PFKFB3: variants seen among roughly 807,000 people sequenced by gnomAD.
The protein encoded by PFKFB3 is 6-phosphofructo-2-kinase/fructose-2,6-bisphosphatase 3.
A neutral mutation model predicts 68.0 loss-of-function variants in PFKFB3; 33 were observed. The observed-to-expected ratio is 0.49, with a 90% CI of 0.37 to 0.65. The LOEUF is 0.65. Ranked by LOEUF, PFKFB3 falls within the 30% of genes least tolerant of loss-of-function variation. The pLI is 0.00. For synonymous variants in PFKFB3, 315 were observed against 288.2 expected, an observed-to-expected ratio of 1.09 and a Z score of -0.94; for missense variants, 586 against 712.2, an observed-to-expected ratio of 0.82 and a Z score of 2.02.
the PFKFB3 span, among the ~76,000 whole-genome samples, chr10:6,278,763 T>G: frequency 6.6e-6 from 1 of 152,238 alleles, no homozygotes. Context: ...CTTAGCCTAG[T>G]GCTTGCATGC....
intron 14 of PFKFB3, among the ~76,000 whole-genome samples, chr10:6,246,792 T>G (rs7902155): frequency 0.16 from 23,759 of 152,204 alleles, 2,106 homozygotes; most frequent in Non-Finnish European, 0.2. Flanking sequence ...TACCCTTGAT[T>G]CCCGTGCCTT....
the PFKFB3 span, among the ~76,000 whole-genome samples, chr10:6,292,532 G>A: frequency 6.6e-6 from 1 of 150,710 alleles, no homozygotes; most frequent in African/African-American, 2.4e-5. Context: ...CTCGTGATCT[G>A]CCCACTTCAA....
intron 1 of PFKFB3, among the ~76,000 whole-genome samples, chr10:6,179,798 C>T (rs79413568): frequency 1.5e-4 from 23 of 152,124 alleles, no homozygotes; most frequent in Non-Finnish European, 2.4e-4. Context: ...ACAGAAACCA[C>T]GAGAGCCCAC....
At chr10:6,225,298 G>A in intron 13 of PFKFB3, 1 of 440,450 alleles carries the variant, frequency 2.3e-6, no homozygotes. Flanking sequence ...GGCATGAAGG[G>A]ATGAGGTGTC....
chr10:6,175,972 C>A lies in PFKFB3; in HGVS notation c.16+30959C>A, dbSNP rs189664629. Among the ~76,000 whole-genome samples, 3 of 152,238 alleles carry A rather than the reference C, an allele frequency of 2.0e-5. No individual in the cohort carries two copies. In the East Asian group the frequency reaches 5.8e-4, roughly 29 times the overall value. ...TCTGCACACAGAAGGATCCAGGAAG[C>A]CCCCGCCTTGGCGTAGACGCATGCA... On this transcript the variant is annotated intron_variant, in intron 1 of 14. Transcript: ENST00000379789.
At chr10:6,185,106 A>G (rs1444465512) in intron 1 of PFKFB3, among the ~76,000 whole-genome samples, 1 of 152,226 alleles carries the variant, frequency 6.6e-6, no homozygotes, top group Non-Finnish European at 1.5e-5. Flanking sequence ...CCATGAGGAC[A>G]CTAGAGGAAG....
Position 6,220,731 on chromosome 10 carries a change from A to G in PFKFB3, c.697A>G (p.Ser233Gly), listed in dbSNP as rs1380389716. The change falls in exon 8 of 15, where the codon AGC becomes GGC. Residue 233 changes from serine to glycine, a missense_variant. Physicochemically the swap from Ser to Gly is moderately conservative, Grantham distance 56. Coordinates refer to ENST00000379775, the MANE Select transcript of PFKFB3 (RefSeq NM_004566.4). This position sits in a 1 kb window ranked among gnomAD's most constrained non-coding sequence, Gnocchi z 4.1. ...GAACCGGGTGCAGGACCACATCCAG[A>G]GCCGCATCGTGTACTACCTGATGAA... ...LVNRVQDHIQ[S>G]RIVYYLMNIH... 6.2e-7 allele frequency: 1 copy of G among 1,613,642 alleles called. No homozygotes were observed. Among genetic ancestry groups the G allele is most frequent in the African/African-American group, 1.3e-5 (1 of 74,750 alleles).
At chr10:6,322,058 G>T in the PFKFB3 span, among the ~76,000 whole-genome samples, 1 of 152,204 alleles carries the variant, frequency 6.6e-6, no homozygotes, top group African/African-American at 2.4e-5. Flanking sequence ...TCCCCTGGGT[G>T]TTAGTCTGGT....
At chr10:6,217,261 T>TG in intron 6 of PFKFB3, 70 bp downstream of exon 6, 1 of 1,384,924 alleles carries the variant, frequency 7.2e-7, no homozygotes, top group Non-Finnish European at 1.0e-6. Context: ...TCTGAGGAAG[T>TG]GGGGGACCGG....
chr10:6,325,305 T>C, the PFKFB3 span, among the ~76,000 whole-genome samples: 2,539 of 152,216 alleles, frequency 0.017, 69 homozygotes, highest in African/African-American at 0.058. Context: ...CACTCAAACT[T>C]TCAAAGTTAA....
At chr10:6,248,417 T>A (rs2132079467) in intron 14 of PFKFB3, among the ~76,000 whole-genome samples, 1 of 151,698 alleles carries the variant, frequency 6.6e-6, no homozygotes, top group African/African-American at 2.4e-5. Context: ...TGGCTTGAGG[T>A]CAGGGGTTTG....
the PFKFB3 span, among the ~76,000 whole-genome samples, chr10:6,291,945 GTTTTTTTTTT>G: frequency 1.1e-5 from 1 of 94,348 alleles, no homozygotes; most frequent in Non-Finnish European, 2.1e-5. Context: ...GAAACCAGTG[GTTTTTTTTTT>G]TTTTTTTTTT....
chr10:6,208,669 G>T (rs1843960034), intron 1 of PFKFB3, among the ~76,000 whole-genome samples: 1 of 152,110 alleles, frequency 6.6e-6, no homozygotes, highest in Admixed American at 6.5e-5. Context: ...GTCAGTGGGG[G>T]ATACAGGCTG....
At chr10:6,255,736 G>A (rs187568788), downstream of PFKFB3, among the ~76,000 whole-genome samples, 23 of 152,268 alleles carry the variant, frequency 1.5e-4, no homozygotes, top group African/African-American at 5.5e-4. Flanking sequence ...AGTCGGCTGG[G>A]GAAGCTCCAA....
chr10:6,284,898 T>G, the PFKFB3 span, among the ~76,000 whole-genome samples: 1 of 152,270 alleles, frequency 6.6e-6, no homozygotes, highest in East Asian at 1.9e-4. Flanking sequence ...TTATCTATGT[T>G]ATAGCATAAA....
rs79668213 is a variant in PFKFB3, at chr10:6,217,152, G to A, written c.459G>A (p.Ser153=). Reference sequence around the variant, plus strand: ...TCCACCAGGCGTTTTTCATCGAGTCGGTGTGCGACGACCCTACAGTTGTGG... The same window carrying A: ...TCCACCAGGCGTTTTTCATCGAGTCAGTGTGCGACGACCCTACAGTTGTGG... The part of the protein sequence containing the change: ...ENDFKAFFIE[S]VCDDPTVVAS... Residue 153 remains serine (S), a synonymous_variant, in exon 6 of 15, where the codon TCG becomes TCA. Transcript: ENST00000379775. 158 of 1,614,022 alleles carry A rather than the reference G, an allele frequency of 9.8e-5. 1 individual carries two copies. Among genetic ancestry groups the A allele is most frequent in the South Asian group, 7.1e-4 (65 of 91,084 alleles).
At chr10:6,168,690 G>A (rs991214333) in intron 1 of PFKFB3, among the ~76,000 whole-genome samples, 4 of 152,152 alleles carry the variant, frequency 2.6e-5, no homozygotes, top group Non-Finnish European at 4.4e-5. Context: ...TGAGTTTAAC[G>A]GACCAGAAAA....
the PFKFB3 span, among the ~76,000 whole-genome samples, chr10:6,314,291 C>A: frequency 3.3e-5 from 5 of 152,296 alleles, no homozygotes; most frequent in African/African-American, 9.6e-5. Context: ...GGCACATGTT[C>A]ATTGCAGAAA....
chr10:6,264,657 C>A, the PFKFB3 span, among the ~76,000 whole-genome samples: 1 of 152,178 alleles, frequency 6.6e-6, no homozygotes, highest in African/African-American at 2.4e-5. Flanking sequence ...GTTCCCTTTA[C>A]TCAAAATGTT....
Sources: allele counts gnomAD v4.1 joint callset (sites outside exome capture counted in the v4.1 genomes callset), GRCh38; gene constraint gnomAD v4.1.1; non-coding constraint Gnocchi (gnomAD v3.1); transcripts MANE v1.5; gene names NCBI Gene and HGNC (gene_info 2026-07-23, HGNC 2026-07-21).